The following CEP350 variants were observed in gnomAD, a reference collection of about 807,000 sequenced individuals.
CEP350 encodes the protein centrosome-associated protein 350.
CEP350 carries 126 observed loss-of-function variants against 331.8 expected under a neutral mutation model. The ratio of observed to expected loss-of-function variants is 0.38; its 90% CI spans 0.33 to 0.44. CEP350 has a LOEUF of 0.44. CEP350 is among the 20% of genes least tolerant of loss of function. The pLI is 1.00. For synonymous variants in CEP350, 1,200 were observed against 1,259.5 expected, an observed-to-expected ratio of 0.95 and a Z score of 1.00; for missense variants, 3,406 against 3,634.6, an observed-to-expected ratio of 0.94 and a Z score of 1.62.
chr1:180,106,441 C>G (rs1311913088), intron 37 of CEP350, among the ~76,000 whole-genome samples: 2 of 152,148 alleles, frequency 1.3e-5, no homozygotes, highest in Non-Finnish European at 2.9e-5. Flanking sequence ...GTCTTTTCTC[C>G]TTATAAAACA....
At chr1:179,968,188 G>A (rs560295717) in intron 1 of CEP350, among the ~76,000 whole-genome samples, 16 of 152,132 alleles carry the variant, frequency 1.1e-4, no homozygotes, top group African/African-American at 3.9e-4. Flanking sequence ...AAAATTAGCT[G>A]GGCATGATGG....
In CEP350 at chr1:179,955,141, A is replaced by G; in HGVS notation, c.-15A>G. The G allele has an allele frequency of 1.4e-6, 2 of 1,456,468 alleles. No homozygotes were observed. Among genetic ancestry groups the G allele is most frequent in the South Asian group, 2.5e-5 (2 of 79,068 alleles). 90.2% of individuals were successfully genotyped at this position (1,456,468 alleles called of 1,614,324 possible). A position where few individuals can be genotyped will look rare whatever the true frequency, so the allele number is the denominator to read the frequency against. ...AGCCGAGGGCGGAGGCGACACTCTC[A>G]GGTGAGCTCCTGTAGGACCTGGCTG... On this transcript the variant is annotated splice_region_variant and 5_prime_UTR_variant, in exon 1 of 38. Transcript: ENST00000367607.
chr1:180,050,935 C>T (rs1053858597), intron 22 of CEP350, among the ~76,000 whole-genome samples: 2 of 152,134 alleles, frequency 1.3e-5, no homozygotes, highest in Admixed American at 6.5e-5. Flanking sequence ...CAGGAACTTG[C>T]ATACATTGCT....
intron 37 of CEP350, among the ~76,000 whole-genome samples, chr1:180,102,399 G>A (rs1660876479): frequency 6.6e-6 from 1 of 152,164 alleles, no homozygotes; most frequent in Non-Finnish European, 1.5e-5. Context: ...GCCTCCCAAA[G>A]TGCTGGGATT....
intron 25 of CEP350, among the ~76,000 whole-genome samples, chr1:180,060,030 A>G (rs1428548400): frequency 6.6e-6 from 1 of 152,208 alleles, no homozygotes; most frequent in African/African-American, 2.4e-5. Flanking sequence ...ACTCTAAAAT[A>G]TCATTCTTTT....
intron 1 of CEP350, among the ~76,000 whole-genome samples, chr1:179,962,619 A>T (rs912554420): frequency 2.6e-5 from 4 of 152,224 alleles, no homozygotes; most frequent in Admixed American, 6.5e-5. Context: ...TATGTTGGTC[A>T]GGCTGGTCTC....
Position 180,092,846 on chromosome 1 carries a change from C to T in CEP350, c.6741C>T (p.Gly2247=). ...GTAGAATTCTTGATATGTCAGATGG[C>T]AAGGTTGGAGAATCTAGTAAAAAAT... ...ATSRILDMSD[G]KVGESSKKSE... The change falls in exon 34 of 38, where the codon GGC becomes GGT. Residue 2247 remains glycine, a synonymous_variant. Transcript: ENST00000367607. The T allele has an allele frequency of 2.6e-6, 4 of 1,568,140 alleles. No homozygotes were observed. The highest frequency in any genetic ancestry group is 3.5e-6 in the Non-Finnish European group (4 of 1,155,106).
intron 1 of CEP350, chr1:179,968,686 G>T: frequency 1.9e-6 from 1 of 527,246 alleles, no homozygotes; most frequent in South Asian, 1.5e-5. Context: ...CAGAGGCCTT[G>T]ATGTCCTTAA....
At chr1:180,010,810 A>C (rs191498621) in intron 8 of CEP350, among the ~76,000 whole-genome samples, 3 of 151,954 alleles carry the variant, frequency 2.0e-5, no homozygotes, top group Admixed American at 2.0e-4. Flanking sequence ...GGGTCCTGCT[A>C]TGTTTCCCAA....
chr1:180,018,035 T>A (rs1347287286), intron 11 of CEP350, among the ~76,000 whole-genome samples: 2 of 152,210 alleles, frequency 1.3e-5, no homozygotes, highest in Non-Finnish European at 2.9e-5. Flanking sequence ...AGACAGGGTC[T>A]TGCTTTTTCA....
chr1:179,955,167 G>A (rs1305757933), intron 1 of CEP350, 25 bp downstream of exon 1: 5 of 1,396,070 alleles, frequency 3.6e-6, no homozygotes, highest in Middle Eastern at 1.9e-4. Flanking sequence ...GACCTGGCTG[G>A]GACCGCGGAG....
Position 180,093,771 on chromosome 1 carries a change from A to G in CEP350, c.7666A>G (p.Ile2556Val). Residue 2556 changes from isoleucine (I) to valine (V), a missense_variant, in exon 34 of 38, where the codon ATT becomes GTT. By Grantham distance (29) the Ile-to-Val change is conservative. Around this residue, in one of 5 missense-constraint regions of CEP350, gnomAD observed 1,415 missense variants for 1,512.3 expected, o/e 0.94. Coordinates refer to ENST00000367607, the MANE Select transcript of CEP350 (RefSeq NM_014810.5). The stretch of plus-strand genomic sequence containing the variant: ...TTTTGAGTGCAAAGAAAAGCATGGT[A>G]TTTTTGCTCCTCCTCAAAAAATATC... ...AYFECKEKHG[I>V]FAPPQKISHI... The G allele has an allele frequency of 1.2e-5, 19 of 1,613,866 alleles. No individual in the cohort carries two copies. Among genetic ancestry groups the G allele is most frequent in the Non-Finnish European group, 1.5e-5 (18 of 1,179,760 alleles).
intron 3 of CEP350, among the ~76,000 whole-genome samples, chr1:179,987,552 A>G (rs555563784): frequency 7.8e-4 from 117 of 149,678 alleles, no homozygotes; most frequent in African/African-American, 2.8e-3. Flanking sequence ...TAAAATGAAC[A>G]TAAATGACAA....
chr1:180,000,218 A>G (rs1301697792), intron 6 of CEP350, among the ~76,000 whole-genome samples: 4 of 152,218 alleles, frequency 2.6e-5, no homozygotes, highest in Admixed American at 6.5e-5. Context: ...AGACTCTCAT[A>G]GGGATAAATG....
chr1:180,041,232 G>T lies in CEP350; in HGVS notation c.4205G>T (p.Arg1402Leu), dbSNP rs148298443. The change falls in exon 18 of 38, where the codon CGA becomes CTA. Residue 1402 changes from arginine (R) to leucine (L), a missense_variant. This residue lies in a region of CEP350 where 1,857 missense variants were observed against 1,909.2 expected (regional missense o/e 0.97). Coordinates refer to ENST00000367607, the MANE Select transcript of CEP350 (RefSeq NM_014810.5). ...LESQRQLEET[R>L]NKAAQVHAES... ...AGTCAGAGACAATTAGAAGAAACCC[G>T]AAACAAAGCAGCTCAGGTAACTTAT... The T allele has an allele frequency of 6.3e-7, 1 of 1,589,068 alleles. No homozygotes were observed. Among genetic ancestry groups the T allele is most frequent in the South Asian group, 1.2e-5 (1 of 86,266 alleles).
intron 1 of CEP350, among the ~76,000 whole-genome samples, chr1:179,966,562 A>C (rs1651028051): frequency 6.6e-6 from 1 of 152,078 alleles, no homozygotes; most frequent in South Asian, 2.1e-4. Context: ...TTCCCTCCCT[A>C]AGCATGCAAG....
At chr1:180,071,295 TAA>T (rs1658875004) in intron 27 of CEP350, among the ~76,000 whole-genome samples, 1 of 145,564 alleles carries the variant, frequency 6.9e-6, no homozygotes, top group African/African-American at 2.6e-5. Context: ...CCATCTCTAC[TAA>T]AAATCCAAAA....
At chr1:180,013,222 C>T (rs1208159438) in intron 9 of CEP350, among the ~76,000 whole-genome samples, 1 of 152,050 alleles carries the variant, frequency 6.6e-6, no homozygotes. Flanking sequence ...TGATCTTTTC[C>T]TTATATCAAC....
chr1:180,020,225 A>G lies in CEP350; in HGVS notation c.2451A>G (p.Gln817=). Residue 817 remains glutamine, a synonymous_variant, in exon 12 of 38, where the codon CAA becomes CAG. Coordinates refer to ENST00000367607, the MANE Select transcript of CEP350 (RefSeq NM_014810.5). ...CCTTGTTAAAACCTAGTGCCAGCCA[A>G]TATAAGAGTAAACTGGATCGTATTG... The part of the protein sequence containing the change: ...TDALLKPSAS[Q]YKSKLDRIEA... 1.9e-6 allele frequency: 3 copies of G among 1,614,056 alleles called. No homozygotes were observed. The highest frequency in any genetic ancestry group is 1.6e-4 in the Middle Eastern group (1 of 6,062).
Sources: gnomAD v4.1 joint callset for allele counts (sites outside exome capture counted in the v4.1 genomes callset) on GRCh38, gnomAD v4.1.1 for gene constraint, gnomAD v4.1.1 regional missense constraint, MANE v1.5 for transcripts, NCBI Gene and HGNC (gene_info 2026-07-23, HGNC 2026-07-21) for gene names.